SNTG1: variants seen among roughly 807,000 people sequenced by gnomAD.
SNTG1 encodes gamma-1-syntrophin.
In SNTG1, 39 loss-of-function variants were observed where a neutral mutation model predicts 74.7. The ratio of observed to expected loss-of-function variants is 0.52; its 90% CI spans 0.40 to 0.68. SNTG1 has a LOEUF of 0.68. Ranked by LOEUF, SNTG1 falls within the 30% of genes least tolerant of loss-of-function variation. SNTG1 has a pLI of 0.00. For missense variants in SNTG1, 685 were observed against 609.5 expected (o/e 1.12, Z -1.30); for synonymous variants, 254 against 217.1 (o/e 1.17, Z -1.49).
At chr8:50,227,552 A>C (rs570577199) in intron 2 of SNTG1, among the ~76,000 whole-genome samples, 1 of 152,194 alleles carries the variant, frequency 6.6e-6, no homozygotes, top group East Asian at 1.9e-4. Flanking sequence ...AAGGTCCCAG[A>C]CCACACACAG....
chr8:50,735,671 A>G (rs2095526641), intron 17 of SNTG1, among the ~76,000 whole-genome samples: 1 of 152,030 alleles, frequency 6.6e-6, no homozygotes, highest in Non-Finnish European at 1.5e-5. Context: ...AGTGATGGAG[A>G]GAATGGAATC....
At chr8:50,427,538 G>T (rs1235638696) in intron 4 of SNTG1, among the ~76,000 whole-genome samples, 1 of 152,012 alleles carries the variant, frequency 6.6e-6, no homozygotes, top group Non-Finnish European at 1.5e-5. Context: ...AAGCTGTCCT[G>T]CCTCAGCCTC....
intron 4 of SNTG1, among the ~76,000 whole-genome samples, chr8:50,404,165 A>C (rs973739478): frequency 6.6e-6 from 1 of 152,174 alleles, no homozygotes; most frequent in Non-Finnish European, 1.5e-5. Context: ...TGAAATGAAA[A>C]TGCAATCCAC....
At chr8:50,126,034 T>A (rs2131374927) in intron 1 of SNTG1, among the ~76,000 whole-genome samples, 1 of 152,272 alleles carries the variant, frequency 6.6e-6, no homozygotes. Flanking sequence ...TGCTTTGAAC[T>A]TTATGCATGA....
intron 1 of SNTG1, among the ~76,000 whole-genome samples, chr8:50,051,862 C>T (rs1819605602): frequency 6.6e-6 from 1 of 151,930 alleles, no homozygotes; most frequent in Admixed American, 6.6e-5. Flanking sequence ...CAGACATAAT[C>T]CAAACCATAA....
At chr8:50,214,014 T>A (rs2131933127) in intron 2 of SNTG1, among the ~76,000 whole-genome samples, 1 of 152,214 alleles carries the variant, frequency 6.6e-6, no homozygotes, top group East Asian at 1.9e-4. Flanking sequence ...CATGCCTATG[T>A]CCTGAATGGT....
chr8:50,733,968 A>T (rs1276966297), intron 17 of SNTG1, among the ~76,000 whole-genome samples: 1 of 151,862 alleles, frequency 6.6e-6, no homozygotes. Flanking sequence ...AAATTCACTT[A>T]TATAATTCTA....
At chr8:50,779,712 T>C (rs1024726642) in intron 18 of SNTG1, among the ~76,000 whole-genome samples, 3 of 152,040 alleles carry the variant, frequency 2.0e-5, no homozygotes, top group African/African-American at 4.8e-5. Context: ...TCCTGCCTAA[T>C]TGCCCTGGCC....
intron 2 of SNTG1, among the ~76,000 whole-genome samples, chr8:50,378,655 G>C (rs569776589): frequency 6.6e-6 from 1 of 151,970 alleles, no homozygotes; most frequent in African/African-American, 2.4e-5. Flanking sequence ...TCTTAGCAGA[G>C]AAGGTAGCTC....
intron 11 of SNTG1, among the ~76,000 whole-genome samples, chr8:50,539,866 T>C (rs1240940289): frequency 6.6e-6 from 1 of 152,202 alleles, no homozygotes; most frequent in African/African-American, 2.4e-5. Context: ...CAAAAGTTTT[T>C]GTTTTGTTTT....
chr8:50,734,733 A>C (rs1216782347), intron 17 of SNTG1, among the ~76,000 whole-genome samples: 3 of 89,466 alleles, frequency 3.4e-5, no homozygotes, highest in Non-Finnish European at 6.3e-5. Flanking sequence ...ATATATCTAT[A>C]TATATGGACA....
At position 50,519,283 on chromosome 8, in the gene SNTG1, A is replaced by G. The variant is rs556156736; in HGVS notation, c.467-10894A>G. On this transcript the variant is annotated intron_variant, in intron 9 of 18. Transcript: ENST00000642720. ...TTTATGCAAAAACTCTCAATAAACT[A>G]GGTATTGATGGAATGTATCTCAAAA... Among the ~76,000 whole-genome samples the G allele has an allele frequency of 1.1e-3, 164 of 152,318 alleles. 5 individuals carry two copies. The South Asian group carries it at 0.032, about 30-fold the overall frequency.
chr8:50,031,529 T>A (rs1442160692), intron 1 of SNTG1, among the ~76,000 whole-genome samples: 3 of 152,076 alleles, frequency 2.0e-5, no homozygotes, highest in Non-Finnish European at 4.4e-5. Context: ...ACCAAAGTTT[T>A]TATTATGAAT....
At chr8:50,709,282 G>T (rs1362965312) in intron 17 of SNTG1, 3 of 370,812 alleles carry the variant, frequency 8.1e-6, no homozygotes, top group Non-Finnish European at 4.8e-6. Context: ...TAATTGAAGG[G>T]ACATTTTCTT....
chr8:50,199,909 G>A (rs1267156741), intron 2 of SNTG1, among the ~76,000 whole-genome samples: 1 of 152,200 alleles, frequency 6.6e-6, no homozygotes, highest in Non-Finnish European at 1.5e-5. Flanking sequence ...TAGGGAACCT[G>A]TATTGTGGGT....
chr8:50,323,696 G>GAGGTGGC (rs1001675714), intron 2 of SNTG1, among the ~76,000 whole-genome samples: 15 of 152,118 alleles, frequency 9.9e-5, no homozygotes, highest in Admixed American at 6.5e-5. Context: ...GGTGATGCAA[G>GAGGTGGC]CACCTCTGTG....
chr8:49,964,268 G>A (rs1421362934), intron 1 of SNTG1, among the ~76,000 whole-genome samples: 1 of 152,226 alleles, frequency 6.6e-6, no homozygotes, highest in Non-Finnish European at 1.5e-5. Context: ...TCCCCACAAG[G>A]AGGAGGGAGT....
chr8:50,465,534 T>C lies in SNTG1; in HGVS notation c.363+14805T>C, dbSNP rs570615151. ...TTTGACACCTGCACAGTATCATGTA[T>C]GTAGCCACTGTTACAATGTCATACA... is the stretch of plus-strand genomic sequence containing the variant. On this transcript the variant is annotated intron_variant, in intron 8 of 18. Coordinates refer to ENST00000642720, the MANE Select transcript of SNTG1 (RefSeq NM_018967.5). Among the ~76,000 whole-genome samples the C allele has an allele frequency of 8.3e-4, 126 of 152,330 alleles. 2 individuals carry two copies. Among genetic ancestry groups the C allele is most frequent in the Middle Eastern group, 6.8e-3 (2 of 294 alleles).
At chr8:50,674,650 G>A (rs1028739771) in intron 15 of SNTG1, among the ~76,000 whole-genome samples, 6 of 150,976 alleles carry the variant, frequency 4.0e-5, no homozygotes, top group African/African-American at 1.2e-4. Context: ...GAGGGATTTT[G>A]TGTCTCTATC....
Sources: gnomAD v4.1 joint callset for allele counts (sites outside exome capture counted in the v4.1 genomes callset) on GRCh38, gnomAD v4.1.1 for gene constraint, MANE v1.5 for transcripts, NCBI Gene and HGNC (gene_info 2026-07-23, HGNC 2026-07-21) for gene names.